The following BIRC6 variants were observed in gnomAD, a reference collection of about 807,000 sequenced individuals.
BIRC6 encodes baculoviral IAP repeat containing 6.
BIRC6 carries 98 observed loss-of-function variants against 503.3 expected under a neutral mutation model. That is an observed-to-expected ratio of 0.19 (90% CI 0.17 to 0.23). The LOEUF (loss-of-function observed/expected upper bound fraction) is 0.23. Ranked by LOEUF, BIRC6 falls within the 10% of genes least tolerant of loss-of-function variation. The pLI is 1.00. For missense variants in BIRC6, 5,360 were observed against 5,806.0 expected (o/e 0.92, Z 2.50); for synonymous variants, 2,240 against 2,078.7 (o/e 1.08, Z -2.11).
intron 1 of BIRC6, among the ~76,000 whole-genome samples, chr2:32,358,605 C>A (rs939863334): frequency 6.6e-6 from 1 of 152,168 alleles, no homozygotes; most frequent in Non-Finnish European, 1.5e-5. Context: ...GTTATGTGGT[C>A]AACCAATTCA....
chr2:32,394,155 AT>A (rs1220978056), intron 5 of BIRC6, among the ~76,000 whole-genome samples: 368 of 142,536 alleles, frequency 2.6e-3, no homozygotes, highest in Non-Finnish European at 3.4e-3. Flanking sequence ...TGATGCCTTG[AT>A]TTTTTTTTTT....
intron 11 of BIRC6, among the ~76,000 whole-genome samples, chr2:32,430,302 A>G (rs936107958): frequency 1.3e-5 from 2 of 152,198 alleles, no homozygotes; most frequent in Non-Finnish European, 2.9e-5. Context: ...AATTAGTATG[A>G]AGCACGTTAT....
In BIRC6 at chr2:32,443,561, T is replaced by A. The variant is rs771432864; in HGVS notation, c.4309T>A (p.Ser1437Thr). 1.2e-6 allele frequency: 2 copies of A among 1,607,006 alleles called. No individual in the cohort carries two copies. Among genetic ancestry groups the A allele is most frequent in the East Asian group, 4.5e-5 (2 of 44,768 alleles). The change falls in exon 20 of 74, where the codon TCA becomes ACA. Residue 1437 changes from serine to threonine, a missense_variant. Coordinates refer to ENST00000421745, the MANE Select transcript of BIRC6 (RefSeq NM_016252.4). Reference sequence around the variant, plus strand: ...GTTGAAGGCTTTACTTGATAATATGTCATTTTTACCTGCAGCAACAACTGG... The same window carrying A: ...GTTGAAGGCTTTACTTGATAATATGACATTTTTACCTGCAGCAACAACTGG... ...VLLKALLDNM[S>T]FLPAATTGGS...
intron 1 of BIRC6, among the ~76,000 whole-genome samples, chr2:32,365,921 G>A (rs755598773): frequency 7.3e-5 from 11 of 151,652 alleles, no homozygotes; most frequent in African/African-American, 2.7e-4. Context: ...TTCTTGCTCT[G>A]TTGCCCAGGC....
chr2:32,445,572 T>G lies in BIRC6; in HGVS notation c.4388T>G (p.Leu1463Arg). ...CTGAATTATGTGAAAGATGAAGATC[T>G]GGCTGGATGCAGTACAGCTTGTGCA... ...VLLNYVKDED[L>R]AGCSTACASL... The change falls in exon 21 of 74, where the codon CTG becomes CGG. Residue 1463 changes from leucine (L) to arginine (R), a missense_variant. Physicochemically the swap from Leu to Arg is moderately radical, Grantham distance 102. Around this residue, in one of 16 missense-constraint regions of BIRC6, gnomAD observed 2,299 missense variants for 2,267.2 expected, o/e 1.01. Transcript: ENST00000421745. 2 of 1,605,414 alleles carry G rather than the reference T, an allele frequency of 1.2e-6. No individual in the cohort carries two copies. Among genetic ancestry groups the G allele is most frequent in the Non-Finnish European group, 1.7e-6 (2 of 1,175,566 alleles).
chr2:32,615,359 A>G (rs2063164812), intron 73 of BIRC6, among the ~76,000 whole-genome samples: 1 of 152,174 alleles, frequency 6.6e-6, no homozygotes, highest in Non-Finnish European at 1.5e-5. Flanking sequence ...TGGAAGGAAA[A>G]TCAAGGCTAG....
chr2:32,515,791 AC>A (rs1239763787), intron 55 of BIRC6, 21 bp downstream of exon 55: 1 of 1,567,636 alleles, frequency 6.4e-7, no homozygotes, highest in East Asian at 2.3e-5. Context: ...AAAATAACTT[AC>A]ATTTTAGTTG....
chr2:32,515,418 G>T lies in BIRC6; in HGVS notation c.10997G>T (p.Arg3666Leu). The T allele has an allele frequency of 6.2e-7, 1 of 1,612,840 alleles. No individual in the cohort carries two copies. Among genetic ancestry groups the T allele is most frequent in the Non-Finnish European group, 8.5e-7 (1 of 1,179,838 alleles). ...SIDISQDKLR[R>L]HHVPQQCNKM... ...GATATTTCCCAGGACAAACTCAGGC[G>T]CCATCATGTCCCACAACAATGTAAT... The change falls in exon 55 of 74, where the codon CGC becomes CTC. Residue 3666 changes from arginine to leucine, a missense_variant. Arg to Leu is a moderately radical substitution (Grantham distance 102). This residue lies in a region of BIRC6 where 878 missense variants were observed against 928.9 expected (regional missense o/e 0.95). Coordinates refer to ENST00000421745, the MANE Select transcript of BIRC6 (RefSeq NM_016252.4).
intron 6 of BIRC6, among the ~76,000 whole-genome samples, chr2:32,397,614 GTGTATATATATATA>G (rs2040070062): frequency 7.5e-6 from 1 of 134,138 alleles, no homozygotes; most frequent in African/African-American, 2.8e-5. Context: ...GTATATATGT[GTGTATATATATATA>G]TGTATATATA....
intron 8 of BIRC6, among the ~76,000 whole-genome samples, 166 bp downstream of exon 8, chr2:32,401,789 A>G (rs2040624492): frequency 6.6e-6 from 1 of 152,234 alleles, no homozygotes; most frequent in Non-Finnish European, 1.5e-5. Flanking sequence ...TCTTGAAGAA[A>G]AATCTTCATT....
intron 17 of BIRC6, 142 bp downstream of exon 17, chr2:32,441,604 A>G: frequency 1.4e-6 from 1 of 733,748 alleles, no homozygotes; most frequent in South Asian, 2.4e-5. Context: ...AATTTTGATG[A>G]GAATATGAGT....
intron 66 of BIRC6, among the ~76,000 whole-genome samples, chr2:32,593,012 A>G (rs910867409): frequency 1.3e-5 from 2 of 152,258 alleles, no homozygotes; most frequent in African/African-American, 4.8e-5. Flanking sequence ...AGGTAGGTAT[A>G]CAACTAAAAA....
chr2:32,567,856 C>G (rs1314696470), intron 65 of BIRC6, among the ~76,000 whole-genome samples: 3 of 152,180 alleles, frequency 2.0e-5, no homozygotes, highest in African/African-American at 7.2e-5. Flanking sequence ...AATCCCAACA[C>G]TTTGGGAGGT....
intron 10 of BIRC6, among the ~76,000 whole-genome samples, chr2:32,416,548 A>G (rs1019482554): frequency 2.6e-5 from 4 of 151,914 alleles, no homozygotes; most frequent in African/African-American, 9.7e-5. Flanking sequence ...TCCTAGGCTT[A>G]TTAGAATGAA....
At chr2:32,594,261 T>C in intron 67 of BIRC6, 1 of 456,444 alleles carries the variant, frequency 2.2e-6, no homozygotes, top group East Asian at 3.5e-5. Context: ...ATTTCTACTA[T>C]ATATGATTGC....
chr2:32,521,928 A>C (rs1340113624), intron 57 of BIRC6: 1 of 152,026 alleles, frequency 6.6e-6, no homozygotes, highest in Non-Finnish European at 1.5e-5. Context: ...AGTTTCTTGA[A>C]TCTGTGTGTT....
At chr2:32,383,021 C>T (rs1268531619) in intron 3 of BIRC6, among the ~76,000 whole-genome samples, 1 of 150,268 alleles carries the variant, frequency 6.7e-6, no homozygotes, top group Non-Finnish European at 1.5e-5. Context: ...CGCACGTGGC[C>T]TGGTCCTCAG....
In BIRC6 at chr2:32,401,230, T is replaced by A; in HGVS notation, c.1102T>A (p.Leu368Met). 6.2e-7 allele frequency: 1 copy of A among 1,614,068 alleles called. No individual in the cohort carries two copies. The highest frequency in any genetic ancestry group is 8.5e-7 in the Non-Finnish European group (1 of 1,179,898). The part of the protein sequence containing the change: ...VKGEHTQNVP[L>M]SVTLATSPAQ... The stretch of plus-strand genomic sequence containing the variant: ...AGGTGAGCACACACAGAATGTGCCA[T>A]TGTCAGTCACTCTTGCAACAAGTCC... Residue 368 changes from leucine (L) to methionine (M), a missense_variant, in exon 7 of 74, where the codon TTG becomes ATG. By Grantham distance (15) the Leu-to-Met change is conservative. Around this residue, in one of 16 missense-constraint regions of BIRC6, gnomAD observed 92 missense variants for 176.7 expected, o/e 0.52. Coordinates refer to ENST00000421745, the MANE Select transcript of BIRC6 (RefSeq NM_016252.4).
At chr2:32,430,805 C>CT (rs370529825) in intron 11 of BIRC6, 60 bp from the exon 12 acceptor site, 86,278 of 482,080 alleles carry the variant, frequency 0.18, 8,558 homozygotes, top group Admixed American at 0.2. Flanking sequence ...TCATTGTCTT[C>CT]TTTTTTTTTT....
Sources: gnomAD v4.1 joint callset for allele counts (sites outside exome capture counted in the v4.1 genomes callset) on GRCh38, gnomAD v4.1.1 for gene constraint, gnomAD v4.1.1 regional missense constraint, MANE v1.5 for transcripts, NCBI Gene and HGNC (gene_info 2026-07-23, HGNC 2026-07-21) for gene names.